Variants in UMAD1 observed in about 807,000 individuals in gnomAD.
The protein encoded by UMAD1 is UBAP1-MVB12-associated (UMA)-domain containing protein 1.
UMAD1 carries 8 observed loss-of-function variants against 6.1 expected under a neutral mutation model. That is an observed-to-expected ratio of 1.30 (90% CI 0.76 to 2.35). UMAD1 has a LOEUF of 2.35. Ranked by LOEUF, UMAD1 falls within the 30% of genes most tolerant of loss-of-function variation. The probability of loss-of-function intolerance (pLI) is 0.00; values close to 1 mark genes in which losing one functional copy is unlikely to be tolerated. For synonymous variants in UMAD1, 56 were observed against 31.4 expected (o/e 1.78, Z -2.61); for missense variants, 130 against 78.4 (o/e 1.66, Z -2.49).
chr7:7,778,706 A>G (rs951128303), intron 2 of UMAD1, among the ~76,000 whole-genome samples: 1 of 152,130 alleles, frequency 6.6e-6, no homozygotes, highest in Non-Finnish European at 1.5e-5. Flanking sequence ...GTGAGCCACC[A>G]CACTCAGCCT....
At position 7,877,747 on chromosome 7, in the gene UMAD1, T is replaced by A. The variant is rs531219687; in HGVS notation, c.*209T>A. ...TAAGTTCTACTTCCTTTCTCCCATATAATAAATATACAAATTAGGCTATGA... is the reference window on the plus strand; with the variant it reads ...TAAGTTCTACTTCCTTTCTCCCATAAAATAAATATACAAATTAGGCTATGA... On this transcript the variant is annotated 3_prime_UTR_variant, in exon 4 of 4. Coordinates refer to ENST00000682710, the MANE Select transcript of UMAD1 (RefSeq NM_001302348.2). 1 of 533,046 alleles carries A rather than the reference T, an allele frequency of 1.9e-6. No individual in the cohort carries two copies. The highest frequency in any genetic ancestry group is 1.9e-5 in the African/African-American group (1 of 52,800). The allele number at this position is 533,046 out of a possible 1,614,324, so 33.0% of individuals were successfully genotyped here.
chr7:7,767,690 T>C (rs1782017176), intron 2 of UMAD1, among the ~76,000 whole-genome samples: 1 of 152,194 alleles, frequency 6.6e-6, no homozygotes, highest in African/African-American at 2.4e-5. Flanking sequence ...TGAAGAGCCT[T>C]GTTTATATTT....
intron 3 of UMAD1, among the ~76,000 whole-genome samples, chr7:7,862,931 TA>T (rs1784142667): frequency 6.6e-6 from 1 of 152,162 alleles, no homozygotes; most frequent in Non-Finnish European, 1.5e-5. Flanking sequence ...TAAAGAAAAT[TA>T]TGATAATGTC....
chr7:7,854,355 C>CAAAAAAAAAAAAAAAAAAAAAA (rs34829393), intron 3 of UMAD1, among the ~76,000 whole-genome samples: 1 of 49,164 alleles, frequency 2.0e-5, no homozygotes, highest in Non-Finnish European at 3.6e-5. Flanking sequence ...AGCTCCATCT[C>CAAAAAAAAAAAAAAAAAAAAAA]AAAAAAAAAA....
At chr7:7,823,942 G>C (rs1324406285) in intron 3 of UMAD1, among the ~76,000 whole-genome samples, 1 of 152,024 alleles carries the variant, frequency 6.6e-6, no homozygotes, top group Non-Finnish European at 1.5e-5. Context: ...TATAATCCCA[G>C]ACAAAAACCT....
intron 3 of UMAD1, among the ~76,000 whole-genome samples, chr7:7,837,540 C>G (rs1040849009): frequency 2.0e-5 from 3 of 152,020 alleles, no homozygotes; most frequent in Admixed American, 6.6e-5. Flanking sequence ...ACAAAAGCCA[C>G]TGACTAAGTA....
intron 3 of UMAD1, among the ~76,000 whole-genome samples, chr7:7,858,289 CAG>C (rs1376063422): frequency 6.6e-6 from 1 of 152,158 alleles, no homozygotes; most frequent in Non-Finnish European, 1.5e-5. Context: ...TAGTATGTAT[CAG>C]GGCTCGTATT....
At chr7:7,643,114 T>C (rs1023422122) in intron 1 of UMAD1, among the ~76,000 whole-genome samples, 5 of 152,218 alleles carry the variant, frequency 3.3e-5, no homozygotes, top group African/African-American at 1.2e-4. Flanking sequence ...CCGAATTTGC[T>C]TCTCTAAAAA....
At chr7:7,706,940 A>G (rs1485626798) in intron 2 of UMAD1, among the ~76,000 whole-genome samples, 4 of 152,204 alleles carry the variant, frequency 2.6e-5, no homozygotes, top group Non-Finnish European at 5.9e-5. Context: ...GGGAGATGAC[A>G]GCAAATCTTT....
intron 1 of UMAD1, among the ~76,000 whole-genome samples, chr7:7,650,793 C>T (rs17545935): frequency 0.14 from 20,767 of 152,138 alleles, 1,833 homozygotes; most frequent in Middle Eastern, 0.2. Context: ...TGATTTCCTC[C>T]GGCATCACTG....
intron 1 of UMAD1, among the ~76,000 whole-genome samples, chr7:7,669,164 A>G (rs574701788): frequency 1.3e-5 from 2 of 152,154 alleles, no homozygotes; most frequent in South Asian, 2.1e-4. Flanking sequence ...AACATACTGT[A>G]TATAGGGTTT....
chr7:7,675,147 G>A (rs1386515343), intron 2 of UMAD1, among the ~76,000 whole-genome samples: 2 of 152,160 alleles, frequency 1.3e-5, no homozygotes, highest in African/African-American at 4.8e-5. Flanking sequence ...TTACAGGCAT[G>A]AGCCACCACG....
At chr7:7,760,328 C>T (rs991191229) in intron 2 of UMAD1, among the ~76,000 whole-genome samples, 1 of 151,734 alleles carries the variant, frequency 6.6e-6, no homozygotes, top group Non-Finnish European at 1.5e-5. Context: ...ATTTTTGACT[C>T]ACAGAGCTGT....
chr7:7,867,948 TG>T (rs1025444892), intron 3 of UMAD1, among the ~76,000 whole-genome samples: 1 of 151,460 alleles, frequency 6.6e-6, no homozygotes, highest in Non-Finnish European at 1.5e-5. Flanking sequence ...ATACATTTGT[TG>T]GGGGGTAGAG....
At chr7:7,658,586 T>A (rs1438614061) in intron 1 of UMAD1, among the ~76,000 whole-genome samples, 1 of 152,226 alleles carries the variant, frequency 6.6e-6, no homozygotes, top group Admixed American at 6.5e-5. Context: ...TTTTTGTCAT[T>A]GACTCTGTTT....
At chr7:7,792,242 A>G (rs1782580344) in intron 2 of UMAD1, among the ~76,000 whole-genome samples, 2 of 152,202 alleles carry the variant, frequency 1.3e-5, no homozygotes, top group African/African-American at 2.4e-5. Flanking sequence ...TGCTAACTGC[A>G]TTCCTTCCTC....
intron 2 of UMAD1, among the ~76,000 whole-genome samples, chr7:7,708,656 C>T (rs1411638026): frequency 6.6e-6 from 1 of 152,144 alleles, no homozygotes; most frequent in Non-Finnish European, 1.5e-5. Context: ...TAGTAATATA[C>T]TTTTCCTACT....
intron 3 of UMAD1, among the ~76,000 whole-genome samples, chr7:7,809,002 A>G (rs1782976160): frequency 6.6e-6 from 1 of 151,966 alleles, no homozygotes; most frequent in Non-Finnish European, 1.5e-5. Flanking sequence ...ACCTTCCCCC[A>G]ACTTCTGTTA....
At chr7:7,682,105 T>G (rs1215149831) in intron 2 of UMAD1, among the ~76,000 whole-genome samples, 1 of 152,092 alleles carries the variant, frequency 6.6e-6, no homozygotes, top group Non-Finnish European at 1.5e-5. Flanking sequence ...AGGAATTGGG[T>G]TACAGTACAA....
Sources: allele counts gnomAD v4.1 joint callset (sites outside exome capture counted in the v4.1 genomes callset), GRCh38; gene constraint gnomAD v4.1.1; transcripts MANE v1.5; gene names NCBI Gene and HGNC (gene_info 2026-07-23, HGNC 2026-07-21).